Variants in MAP4K3 observed in about 807,000 individuals in gnomAD.
The protein encoded by MAP4K3 is MAPK/ERK kinase kinase kinase 3.
A neutral mutation model predicts 143.5 loss-of-function variants in MAP4K3; 94 were observed. The ratio of observed to expected loss-of-function variants is 0.65; its 90% CI spans 0.55 to 0.78. The LOEUF is 0.78. Among genes scored for constraint, MAP4K3 ranks in the 30% least tolerant of loss-of-function variants. The pLI is 0.00. For missense variants in MAP4K3, 1,077 were observed against 1,068.1 expected, an observed-to-expected ratio of 1.01 and a Z score of -0.12; for synonymous variants, 416 against 347.2, an observed-to-expected ratio of 1.20 and a Z score of -2.20.
intron 14 of MAP4K3, 86 bp from the exon 15 acceptor site, chr2:39,308,091 G>C (rs764042493): frequency 1.1e-6 from 1 of 890,704 alleles, no homozygotes; most frequent in Non-Finnish European, 1.8e-6. Flanking sequence ...CACAAATGAA[G>C]TAAGTCCTGC....
At chr2:39,312,678 T>G (rs1046377631) in intron 13 of MAP4K3, among the ~76,000 whole-genome samples, 1 of 152,194 alleles carries the variant, frequency 6.6e-6, no homozygotes, top group African/African-American at 2.4e-5. Flanking sequence ...TTAGATCTGA[T>G]AAGTAGGTTA....
intron 2 of MAP4K3, among the ~76,000 whole-genome samples, chr2:39,364,733 T>C (rs1665870909): frequency 6.6e-6 from 1 of 152,184 alleles, no homozygotes; most frequent in African/African-American, 2.4e-5. Context: ...CCAGGCGTGA[T>C]GGCATATGCC....
chr2:39,343,250 T>C (rs1665191344), intron 4 of MAP4K3, 138 bp downstream of exon 4: 1 of 496,934 alleles, frequency 2.0e-6, no homozygotes, highest in Admixed American at 3.9e-5. Context: ...ATATCTAAAA[T>C]ACCTTTATAT....
intron 1 of MAP4K3, among the ~76,000 whole-genome samples, chr2:39,413,633 A>C (rs1667290515): frequency 6.6e-6 from 1 of 152,084 alleles, no homozygotes; most frequent in African/African-American, 2.4e-5. Flanking sequence ...ATACGGACTA[A>C]ATAGAAAGTG....
intron 32 of MAP4K3, among the ~76,000 whole-genome samples, chr2:39,252,673 T>C (rs1680197004): frequency 6.6e-6 from 1 of 152,232 alleles, no homozygotes; most frequent in African/African-American, 2.4e-5. Context: ...GCAGTTAGCA[T>C]CTCCCCAAAA....
At position 39,401,730 on chromosome 2, in the gene MAP4K3, G is replaced by C. The variant is rs186385121; in HGVS notation, c.97-23607C>G. ...GTGGGCATTTCGCTTGAGCAGGAGA[G>C]GTTGAGGCTACAGTGAGCCAAGATG... On this transcript the variant is annotated intron_variant, in intron 1 of 33. Transcript: ENST00000263881. Among the ~76,000 whole-genome samples, 4 of 152,230 alleles carry C rather than the reference G, an allele frequency of 2.6e-5. No individual in the cohort carries two copies. The South Asian group carries it at 8.3e-4, about 32-fold the overall frequency.
At chr2:39,296,074 G>A (rs1041475268) in intron 16 of MAP4K3, among the ~76,000 whole-genome samples, 2 of 152,098 alleles carry the variant, frequency 1.3e-5, no homozygotes, top group Non-Finnish European at 2.9e-5. Context: ...CTAACAATAA[G>A]AGAATGGTTG....
chr2:39,331,070 T>C, intron 8 of MAP4K3, among the ~76,000 whole-genome samples: 1 of 152,102 alleles, frequency 6.6e-6, no homozygotes. Context: ...TAGGCTGACA[T>C]GAAAATGGTA....
In MAP4K3 at chr2:39,313,016, T is replaced by A. The variant is rs113196590; in HGVS notation, c.997+2294A>T. ...TCAGTATCACTGTACCTGAACTCTG[T>A]GGATGGAGAATGCATTTCCAGAAAG... On this transcript the variant is annotated intron_variant, in intron 13 of 33. Coordinates refer to ENST00000263881, the MANE Select transcript of MAP4K3 (RefSeq NM_003618.4). Among the ~76,000 whole-genome samples the A allele has an allele frequency of 1.3e-3, 199 of 152,302 alleles. 3 individuals are homozygous for A. The highest frequency in any genetic ancestry group is 4.6e-3 in the African/African-American group (193 of 41,554).
chr2:39,412,272 G>C (rs1470182641), intron 1 of MAP4K3, among the ~76,000 whole-genome samples: 1 of 152,200 alleles, frequency 6.6e-6, no homozygotes, highest in Non-Finnish European at 1.5e-5. Context: ...ACACCTAGCT[G>C]CAGTCACCAC....
chr2:39,418,161 A>T (rs992963370), intron 1 of MAP4K3, among the ~76,000 whole-genome samples: 7 of 150,568 alleles, frequency 4.6e-5, no homozygotes, highest in Non-Finnish European at 8.9e-5. Flanking sequence ...CAGAGACTGC[A>T]CCACTGCACT....
chr2:39,401,191 CAG>C (rs1283886985), intron 1 of MAP4K3, among the ~76,000 whole-genome samples: 6 of 152,028 alleles, frequency 3.9e-5, no homozygotes, highest in Non-Finnish European at 7.4e-5. Flanking sequence ...AGTACCAAAA[CAG>C]AGACAACTAT....
intron 1 of MAP4K3, among the ~76,000 whole-genome samples, chr2:39,414,517 C>A (rs1667315761): frequency 6.6e-6 from 1 of 152,060 alleles, no homozygotes; most frequent in African/African-American, 2.4e-5. Flanking sequence ...CCCCCACTAC[C>A]ACCTGCTTGC....
At chr2:39,343,496 ACTGT>A (rs781672709) in intron 3 of MAP4K3, 44 bp from the exon 4 acceptor site, 7 of 1,517,256 alleles carry the variant, frequency 4.6e-6, no homozygotes, top group Admixed American at 1.7e-5. Context: ...CATGATTAAA[ACTGT>A]CTGTGTGAGG....
At chr2:39,433,556 C>G (rs1251362370) in intron 1 of MAP4K3, among the ~76,000 whole-genome samples, 2 of 152,104 alleles carry the variant, frequency 1.3e-5, no homozygotes, top group Admixed American at 1.3e-4. Flanking sequence ...AATGGCAAAC[C>G]TATGGATCAT....
chr2:39,253,156 G>C lies in MAP4K3; in HGVS notation c.2542-1271C>G, dbSNP rs549920458. On this transcript the variant is annotated intron_variant, in intron 32 of 33. Transcript: ENST00000263881. ...AGCCACCTTTTTTTTGGAGGGGGACGGAGTCTTGTTCTGTCGCCAGGCTGG... is the reference window on the plus strand; with the variant it reads ...AGCCACCTTTTTTTTGGAGGGGGACCGAGTCTTGTTCTGTCGCCAGGCTGG... Among the ~76,000 whole-genome samples the C allele has an allele frequency of 5.3e-5, 8 of 152,242 alleles. No individual in the cohort carries two copies. The East Asian group carries it at 1.5e-3, about 29-fold the overall frequency.
chr2:39,299,020 G>A (rs190731280), intron 16 of MAP4K3, among the ~76,000 whole-genome samples: 85 of 150,084 alleles, frequency 5.7e-4, no homozygotes, highest in Non-Finnish European at 1.5e-4. Flanking sequence ...AATAATATAT[G>A]CACTGCTGGA....
chr2:39,386,829 T>TTTA (rs1248213130), intron 1 of MAP4K3, among the ~76,000 whole-genome samples: 1 of 150,726 alleles, frequency 6.6e-6, no homozygotes, highest in Non-Finnish European at 1.5e-5. Context: ...TCTTTTTTTT[T>TTTA]TTTTGAGACG....
At chr2:39,255,422 G>A (rs771305949) in intron 31 of MAP4K3, among the ~76,000 whole-genome samples, 4 of 152,008 alleles carry the variant, frequency 2.6e-5, no homozygotes, top group Non-Finnish European at 5.9e-5. Flanking sequence ...TTTGTTTTCT[G>A]CAGGTAAGCA....
Sources: allele counts gnomAD v4.1 joint callset (sites outside exome capture counted in the v4.1 genomes callset), GRCh38; gene constraint gnomAD v4.1.1; transcripts MANE v1.5; gene names NCBI Gene and HGNC (gene_info 2026-07-23, HGNC 2026-07-21).